TFIP11: variants seen among roughly 807,000 people sequenced by gnomAD.
TFIP11 encodes tuftelin-interacting protein 11.
A neutral mutation model predicts 96.8 loss-of-function variants in TFIP11; 86 were observed. That is an observed-to-expected ratio of 0.89 (90% CI 0.75 to 1.06). TFIP11 has a LOEUF of 1.06. Among genes scored for constraint, TFIP11 ranks in the 50% least tolerant of loss-of-function variants. The pLI is 0.00. For synonymous variants in TFIP11, 405 were observed against 395.2 expected, an observed-to-expected ratio of 1.02 and a Z score of -0.29; for missense variants, 881 against 1,076.7, an observed-to-expected ratio of 0.82 and a Z score of 2.54.
chr22:26,512,228 C>G (rs1036480269), intron 1 of TFIP11, 53 bp from the exon 2 acceptor site: 1 of 152,246 alleles, frequency 6.6e-6, no homozygotes, highest in Non-Finnish European at 1.5e-5. Context: ...GCCCTAAATC[C>G]CAGTTGACCC....
At chr22:26,496,450 CCAAA>C (rs1445924281) in intron 11 of TFIP11, 134 bp from the exon 12 acceptor site, 6 of 1,235,800 alleles carry the variant, frequency 4.9e-6, no homozygotes, top group Non-Finnish European at 6.6e-6. Context: ...TTGTACATTG[CCAAA>C]CAAATATGCC....
At chr22:26,499,853 T>C (rs1922562664) in intron 8 of TFIP11, among the ~76,000 whole-genome samples, 3 of 152,214 alleles carry the variant, frequency 2.0e-5, no homozygotes, top group South Asian at 4.1e-4. Context: ...GTTGGATCAC[T>C]GTGAACAAGC....
At position 26,491,764 on chromosome 22, in the gene TFIP11, T is replaced by C; in HGVS notation, c.*249A>G. On this transcript the variant is annotated 3_prime_UTR_variant, in exon 15 of 15. Transcript: ENST00000407690. ...CTATGGAGGAACTACAGAGAACTCC[T>C]TTGCCAGGAAAGAACATCAACTTGG... The C allele has an allele frequency of 8.2e-7, 1 of 1,223,134 alleles. No individual in the cohort carries two copies. Among genetic ancestry groups the C allele is most frequent in the Non-Finnish European group, 1.1e-6 (1 of 880,828 alleles). The allele number at this position is 1,223,134 out of a possible 1,614,324, so 75.8% of individuals were successfully genotyped here.
chr22:26,499,074 A>T (rs754653972), intron 9 of TFIP11, 30 bp downstream of exon 9: 1 of 1,596,352 alleles, frequency 6.3e-7, no homozygotes, highest in African/African-American at 1.3e-5. Flanking sequence ...ACCGAGAGGC[A>T]GGGATAGGTT....
intron 7 of TFIP11, among the ~76,000 whole-genome samples, chr22:26,502,571 C>T (rs571316271): frequency 2.7e-4 from 41 of 152,308 alleles, no homozygotes; most frequent in African/African-American, 7.2e-4. Flanking sequence ...GCTCTGAATA[C>T]GGCCTGTTTA....
chr22:26,508,005 G>C (rs1202202196), intron 4 of TFIP11, among the ~76,000 whole-genome samples: 1 of 152,120 alleles, frequency 6.6e-6, no homozygotes, highest in East Asian at 1.9e-4. Context: ...CCACTCAGGA[G>C]GCTGACGCAT....
intron 11 of TFIP11, 89 bp from the exon 12 acceptor site, chr22:26,496,405 G>C: frequency 1.3e-6 from 2 of 1,493,608 alleles, no homozygotes; most frequent in Non-Finnish European, 1.8e-6. Flanking sequence ...GCTGCCCCTG[G>C]AGGAGGCCCT....
At chr22:26,495,966 A>T in intron 12 of TFIP11, 107 bp downstream of exon 12, 1 of 1,462,722 alleles carries the variant, frequency 6.8e-7, no homozygotes, top group Non-Finnish European at 9.2e-7. Context: ...ATTGTGTACT[A>T]AGCACTTTCA....
chr22:26,496,768 A>G lies in TFIP11; in HGVS notation c.1558T>C (p.Leu520=), dbSNP rs773415023. ...ATGAGTTGGTCCAGTATGTTATCTAAGATCCACACAGGAATAATGTGCACC... is the reference window on the plus strand; with the variant it reads ...ATGAGTTGGTCCAGTATGTTATCTAGGATCCACACAGGAATAATGTGCACC... The part of the protein sequence containing the change: ...SWVHIIPVWI[L]DNILDQLIFP... Residue 520 remains leucine, a synonymous_variant, in exon 11 of 15, where the codon TTA becomes CTA. Coordinates refer to ENST00000407690, the MANE Select transcript of TFIP11 (RefSeq NM_012143.4). 3.1e-6 allele frequency: 5 copies of G among 1,614,130 alleles called. No homozygotes were observed. Among genetic ancestry groups the G allele is most frequent in the Non-Finnish European group, 3.4e-6 (4 of 1,180,028 alleles).
In TFIP11 at chr22:26,495,260, C is replaced by CTTTTT. The variant is rs150268332; in HGVS notation, c.1850-326_1850-322dup. Among the ~76,000 whole-genome samples the CTTTTT allele has an allele frequency of 2.2e-3, 133 of 59,190 alleles. 7 individuals are homozygous for CTTTTT. The highest frequency in any genetic ancestry group is 4.4e-3 in the African/African-American group (59 of 13,522). 38.8% of individuals were successfully genotyped at this position (59,190 alleles called of 152,430 possible). ...TACAGGCATAAGTCACAACTCCTGG[C>CTTTTT]TTTTTTTTTTTTTTTTTTTTTTTTT... is the stretch of plus-strand genomic sequence containing the variant. On this transcript the variant is annotated intron_variant, in intron 12 of 14. Coordinates refer to ENST00000407690, the MANE Select transcript of TFIP11 (RefSeq NM_012143.4).
At chr22:26,503,126 C>G (rs1213364510) in intron 7 of TFIP11, among the ~76,000 whole-genome samples, 2 of 152,172 alleles carry the variant, frequency 1.3e-5, no homozygotes, top group African/African-American at 4.8e-5. Context: ...GCAGATGGCT[C>G]CCTGCTGCAC....
chr22:26,492,316 C>T lies in TFIP11; in HGVS notation c.2211G>A (p.Thr737=), dbSNP rs561791002. ...CGTACTGGAAGTCCTTCCTCCGCTC[C>T]GTGTGGGTGAGATAGGCAATGTTCT... ...ARENIAYLTH[T]ERRKDFQYEA... The change falls in exon 15 of 15, where the codon ACG becomes ACA. Residue 737 remains threonine, a synonymous_variant. Coordinates refer to ENST00000407690, the MANE Select transcript of TFIP11 (RefSeq NM_012143.4). 3.8e-5 allele frequency: 61 copies of T among 1,614,192 alleles called. 1 individual carries two copies. The South Asian group carries it at 5.6e-4, about 15-fold the overall frequency.
chr22:26,503,868 G>A, intron 6 of TFIP11, 75 bp from the exon 7 acceptor site: 2 of 1,569,732 alleles, frequency 1.3e-6, no homozygotes, highest in African/African-American at 1.4e-5. Context: ...GCCACTCAGT[G>A]AAATGACAGT....
intron 2 of TFIP11, chr22:26,511,591 A>G (rs1255328486): frequency 1.3e-5 from 2 of 152,226 alleles, no homozygotes; most frequent in African/African-American, 4.8e-5. Flanking sequence ...TCAGATACCC[A>G]GTGTATGAGA....
rs117853448 is a variant in TFIP11, at chr22:26,500,742, C to T, written c.802-1111G>A. 2.7e-3 allele frequency among the ~76,000 whole-genome samples: 417 copies of T among 152,026 alleles called. 9 individuals carry two copies. In the East Asian group the frequency reaches 0.038, roughly 14 times the overall value. On this transcript the variant is annotated intron_variant, in intron 8 of 14. Coordinates refer to ENST00000407690, the MANE Select transcript of TFIP11 (RefSeq NM_012143.4). ...TAGACACTCTTATTTCTTATCAGGT[C>T]GTCCAGATAACAGCACGTTTGAGAA...
intron 13 of TFIP11, chr22:26,494,507 C>T: frequency 1.4e-6 from 1 of 712,988 alleles, no homozygotes; most frequent in Non-Finnish European, 2.3e-6. Flanking sequence ...TGCATGTAAA[C>T]TCTCTGAGCC....
intron 4 of TFIP11, among the ~76,000 whole-genome samples, 197 bp downstream of exon 4, chr22:26,509,867 T>C (rs907977195): frequency 6.6e-6 from 1 of 151,870 alleles, no homozygotes. Flanking sequence ...AAAAAAATAA[T>C]AATAAATAGA....
intron 4 of TFIP11, among the ~76,000 whole-genome samples, chr22:26,509,857 A>G (rs1384645204): frequency 6.7e-6 from 1 of 149,526 alleles, no homozygotes; most frequent in African/African-American, 2.6e-5. Context: ...CCGTGTCTCA[A>G]AAAAAATAAT....
chr22:26,511,130 G>T (rs948589526), intron 2 of TFIP11: 1 of 152,250 alleles, frequency 6.6e-6, no homozygotes, highest in African/African-American at 2.4e-5. Context: ...CGATCAAAAG[G>T]TCCCACAATA....
Sources: gnomAD v4.1 joint callset for allele counts (sites outside exome capture counted in the v4.1 genomes callset) on GRCh38, gnomAD v4.1.1 for gene constraint, MANE v1.5 for transcripts, NCBI Gene and HGNC (gene_info 2026-07-23, HGNC 2026-07-21) for gene names.